TMEM114: variants seen among roughly 807,000 people sequenced by gnomAD.
TMEM114 encodes transmembrane protein 114.
A neutral mutation model predicts 6.2 loss-of-function variants in TMEM114; 6 were observed. That is an observed-to-expected ratio of 0.97 (90% CI 0.53 to 1.91). The LOEUF is 1.91. Among genes scored for constraint, TMEM114 ranks in the 40% most tolerant of loss-of-function variants. The probability of loss-of-function intolerance (pLI) is 0.01; values close to 1 mark genes in which losing one functional copy is unlikely to be tolerated. For synonymous variants in TMEM114, 104 were observed against 73.0 expected, an observed-to-expected ratio of 1.42 and a Z score of -2.16; for missense variants, 218 against 158.3, an observed-to-expected ratio of 1.38 and a Z score of -2.02.
chr16:8,538,885 T>C (rs1596464613), intron 2 of TMEM114, among the ~76,000 whole-genome samples: 1 of 152,236 alleles, frequency 6.6e-6, no homozygotes, highest in Non-Finnish European at 1.5e-5. Context: ...ATACAGTAGA[T>C]AAATTTGTCT....
intron 2 of TMEM114, among the ~76,000 whole-genome samples, chr16:8,541,291 C>G (rs1299125022): frequency 6.6e-6 from 1 of 152,132 alleles, no homozygotes; most frequent in Non-Finnish European, 1.5e-5. Flanking sequence ...CCCTCACAGT[C>G]CTGGACTCAG....
chr16:8,564,213 G>C (rs1418001754), intron 2 of TMEM114, among the ~76,000 whole-genome samples: 1 of 135,098 alleles, frequency 7.4e-6, no homozygotes, highest in Non-Finnish European at 1.6e-5. Context: ...GGGTGAATGA[G>C]TGAGTTAGTG....
At chr16:8,552,065 C>G (rs1900861133) in intron 2 of TMEM114, among the ~76,000 whole-genome samples, 2 of 152,046 alleles carry the variant, frequency 1.3e-5, no homozygotes, top group African/African-American at 4.8e-5. Context: ...GGAGTGATTT[C>G]CAGGGGTGAA....
chr16:8,581,916 A>G (rs1289453037), intron 2 of TMEM114, among the ~76,000 whole-genome samples: 1 of 152,184 alleles, frequency 6.6e-6, no homozygotes, highest in Admixed American at 6.5e-5. Flanking sequence ...CAGCACAGCT[A>G]TGCATAAATC....
At chr16:8,561,654 T>C (rs796369324) in intron 2 of TMEM114, among the ~76,000 whole-genome samples, 2 of 141,384 alleles carry the variant, frequency 1.4e-5, no homozygotes, top group Non-Finnish European at 3.2e-5. Flanking sequence ...AGTGAGTGAA[T>C]AAGTGAATGA....
chr16:8,580,947 C>A (rs571626015), intron 2 of TMEM114, among the ~76,000 whole-genome samples: 1 of 152,168 alleles, frequency 6.6e-6, no homozygotes, highest in Non-Finnish European at 1.5e-5. Context: ...CTGCCTCGGC[C>A]TCCCAAAGTG....
At chr16:8,583,564 G>A (rs946776830) in intron 2 of TMEM114, among the ~76,000 whole-genome samples, 1 of 152,072 alleles carries the variant, frequency 6.6e-6, no homozygotes, top group Non-Finnish European at 1.5e-5. Context: ...GGGCAGAATA[G>A]TAAGACCCCC....
chr16:8,557,169 C>G (rs1412281294), intron 2 of TMEM114, among the ~76,000 whole-genome samples: 1 of 152,150 alleles, frequency 6.6e-6, no homozygotes, highest in Non-Finnish European at 1.5e-5. Flanking sequence ...AGGTTGAGGT[C>G]TATGTTCCCT....
chr16:8,547,656 G>A (rs960150752), intron 2 of TMEM114, among the ~76,000 whole-genome samples: 3 of 152,108 alleles, frequency 2.0e-5, no homozygotes, highest in Non-Finnish European at 4.4e-5. Context: ...CTCCCAAAGT[G>A]CTGGGATTAC....
intron 2 of TMEM114, among the ~76,000 whole-genome samples, chr16:8,554,508 A>G (rs575554020): frequency 1.3e-5 from 2 of 152,284 alleles, no homozygotes; most frequent in South Asian, 4.1e-4. Context: ...TCCATTTGGA[A>G]TCATACGTGT....
chr16:8,545,721 T>A (rs755132608), intron 2 of TMEM114, among the ~76,000 whole-genome samples: 20 of 152,318 alleles, frequency 1.3e-4, no homozygotes, highest in Non-Finnish European at 2.2e-4. Context: ...CAGTGAGCTA[T>A]CTTATCTCCC....
chr16:8,574,121 A>G (rs1901833777), intron 2 of TMEM114, among the ~76,000 whole-genome samples: 1 of 152,174 alleles, frequency 6.6e-6, no homozygotes, highest in Admixed American at 6.5e-5. Flanking sequence ...ATGGCGATGA[A>G]GAATATAGAC....
chr16:8,578,072 T>C (rs1902002346), intron 2 of TMEM114, among the ~76,000 whole-genome samples: 1 of 152,062 alleles, frequency 6.6e-6, no homozygotes, highest in Non-Finnish European at 1.5e-5. Context: ...ACAAAGATCA[T>C]TGCAGGCTGT....
chr16:8,571,763 T>G (rs1901742352), intron 3 of TMEM114, among the ~76,000 whole-genome samples: 1 of 152,172 alleles, frequency 6.6e-6, no homozygotes, highest in Non-Finnish European at 1.5e-5. Flanking sequence ...CGAGGGTGGC[T>G]GGAGCGAGGG....
chr16:8,578,015 G>C (rs1003213210), intron 2 of TMEM114, among the ~76,000 whole-genome samples: 3 of 152,158 alleles, frequency 2.0e-5, no homozygotes, highest in African/African-American at 7.2e-5. Context: ...TGCCCTCATG[G>C]AGTTCACAGA....
At chr16:8,561,944 ATGAG>A (rs1241500525) in intron 2 of TMEM114, among the ~76,000 whole-genome samples, 1 of 146,360 alleles carries the variant, frequency 6.8e-6, no homozygotes, top group Non-Finnish European at 1.5e-5. Context: ...GAGTAAGTGA[ATGAG>A]TGAATGAGGG....
At chr16:8,536,934 G>T (rs1472784091), downstream of TMEM114, among the ~76,000 whole-genome samples, 1 of 152,156 alleles carries the variant, frequency 6.6e-6, no homozygotes, top group South Asian at 2.1e-4. Context: ...CAGGCCAGGT[G>T]CAGTGGCTCA....
In TMEM114 at chr16:8,569,647, G is replaced by A; in HGVS notation, c.*126C>T. On this transcript the variant is annotated 3_prime_UTR_variant, in exon 4 of 4. Transcript: ENST00000620492. ...GCTTAGTCCGCGGGGATTTGTGGGG[G>A]AAGGAGGGGGGTGCCTGGCCTCCCC... 6.9e-7 allele frequency: 1 copy of A among 1,439,658 alleles called. No individual in the cohort carries two copies. Among genetic ancestry groups the A allele is most frequent in the African/African-American group, 1.4e-5 (1 of 70,014 alleles). 89.2% of individuals were successfully genotyped at this position (1,439,658 alleles called of 1,614,324 possible).
At chr16:8,529,076 G>A in the TMEM114 span, among the ~76,000 whole-genome samples, 15 of 152,188 alleles carry the variant, frequency 9.9e-5, no homozygotes, top group African/African-American at 1.4e-4. Context: ...AGAATCGTTC[G>A]GAGAGGACAG....
Sources: gnomAD v4.1 joint callset for allele counts (sites outside exome capture counted in the v4.1 genomes callset) on GRCh38, gnomAD v4.1.1 for gene constraint, MANE v1.5 for transcripts, NCBI Gene and HGNC (gene_info 2026-07-23, HGNC 2026-07-21) for gene names.